AGBL3: variants seen among roughly 807,000 people sequenced by gnomAD.
AGBL3 encodes the protein cytosolic carboxypeptidase 3.
AGBL3 carries 68 observed loss-of-function variants against 94.5 expected under a neutral mutation model. The observed-to-expected ratio is 0.72, with a 90% CI of 0.59 to 0.88. The LOEUF is 0.88. AGBL3 is among the 40% of genes least tolerant of loss of function. The pLI is 0.00. For missense variants in AGBL3, 934 were observed against 1,103.8 expected (o/e 0.85, Z 2.18); for synonymous variants, 354 against 370.7 (o/e 0.95, Z 0.52).
intron 13 of AGBL3, among the ~76,000 whole-genome samples, chr7:135,077,762 G>C (rs1200352426): frequency 6.6e-6 from 1 of 152,044 alleles, no homozygotes; most frequent in Admixed American, 6.6e-5. Flanking sequence ...TCACATACCA[G>C]TTAAACTCGG....
intron 13 of AGBL3, among the ~76,000 whole-genome samples, chr7:135,079,181 T>G (rs1309438083): frequency 6.6e-6 from 1 of 152,178 alleles, no homozygotes; most frequent in African/African-American, 2.4e-5. Context: ...AGATGGGAGC[T>G]AAAAATGACA....
intron 14 of AGBL3, 111 bp from the exon 15 acceptor site, chr7:135,081,608 C>T: frequency 1.7e-6 from 1 of 601,382 alleles, no homozygotes; most frequent in Middle Eastern, 4.9e-4. Flanking sequence ...AACTAAACTA[C>T]TGTCTACAAG....
intron 6 of AGBL3, among the ~76,000 whole-genome samples, chr7:135,033,834 T>C (rs1478386685): frequency 6.6e-6 from 1 of 152,204 alleles, no homozygotes; most frequent in Non-Finnish European, 1.5e-5. Context: ...GGTAACTCTT[T>C]AATCATTTCT....
At chr7:135,038,194 C>T (rs1225895161) in intron 8 of AGBL3, among the ~76,000 whole-genome samples, 3 of 152,046 alleles carry the variant, frequency 2.0e-5, no homozygotes, top group African/African-American at 7.2e-5. Flanking sequence ...CCTTTAAGTT[C>T]TCAACCAACA....
chr7:135,107,108 T>C (rs1824842122), intron 15 of AGBL3, among the ~76,000 whole-genome samples: 1 of 152,068 alleles, frequency 6.6e-6, no homozygotes, highest in Non-Finnish European at 1.5e-5. Context: ...CTTTTCTTCT[T>C]TATTAGTCTA....
chr7:135,084,815 A>G (rs1223835295), intron 15 of AGBL3, among the ~76,000 whole-genome samples: 1 of 152,082 alleles, frequency 6.6e-6, no homozygotes, highest in Non-Finnish European at 1.5e-5. Flanking sequence ...GAGAGTGCAG[A>G]TATCTCTTTG....
chr7:135,110,791 A>G (rs190312384), intron 15 of AGBL3, among the ~76,000 whole-genome samples: 30 of 152,258 alleles, frequency 2.0e-4, no homozygotes, highest in African/African-American at 6.3e-4. Context: ...CCTCCCAACC[A>G]CTTTCTTAAC....
chr7:135,080,612 T>C (rs777126281), intron 14 of AGBL3, among the ~76,000 whole-genome samples: 3 of 152,144 alleles, frequency 2.0e-5, no homozygotes, highest in Non-Finnish European at 2.9e-5. Context: ...TTAAAACCCA[T>C]CTTTTCCCTC....
intron 12 of AGBL3, among the ~76,000 whole-genome samples, chr7:135,061,285 A>T (rs1818817483): frequency 6.6e-6 from 1 of 151,912 alleles, no homozygotes; most frequent in East Asian, 1.9e-4. Flanking sequence ...TTGGATATTA[A>T]CCCCTTATCA....
chr7:134,990,319 T>C lies in AGBL3; in HGVS notation c.124+1009T>C, dbSNP rs1165509222. Among the ~76,000 whole-genome samples, 4 of 152,196 alleles carry C rather than the reference T, an allele frequency of 2.6e-5. No individual in the cohort carries two copies. In the East Asian group the frequency reaches 7.7e-4, roughly 29 times the overall value. ...GTGATTTGCGTTCCCTCCCCTATAT[T>C]TGGCTTTTCTAGAATTTCACAAAAC... is the stretch of plus-strand genomic sequence containing the variant. On this transcript the variant is annotated intron_variant, in intron 3 of 16. Coordinates refer to ENST00000436302, the MANE Select transcript of AGBL3 (RefSeq NM_178563.4).
chr7:135,098,479 T>C (rs748151231), intron 15 of AGBL3, among the ~76,000 whole-genome samples: 4 of 152,198 alleles, frequency 2.6e-5, no homozygotes, highest in Non-Finnish European at 5.9e-5. Context: ...TTTTCCTAAA[T>C]ATTTTCCATC....
At position 134,989,311 on chromosome 7, in the gene AGBL3, G is replaced by A. The variant is rs953613329; in HGVS notation, c.124+1G>A. 4.5e-6 allele frequency: 7 copies of A among 1,540,776 alleles called. No individual in the cohort carries two copies. Among genetic ancestry groups the A allele is most frequent in the Non-Finnish European group, 6.1e-6 (7 of 1,142,350 alleles). The stretch of plus-strand genomic sequence containing the variant: ...CTTCATCGGTGTGCACTTTTAACAG[G>A]TTTGAACCTATTCATATAGTTTTTG... On this transcript the variant is annotated splice_donor_variant, in intron 3 of 16. Coordinates refer to ENST00000436302, the MANE Select transcript of AGBL3 (RefSeq NM_178563.4). LOFTEE classifies it high-confidence loss of function.
chr7:135,115,917 G>A (rs4333534), intron 16 of AGBL3: 230,840 of 238,156 alleles, frequency 0.97, 112,263 homozygotes, highest in East Asian at 1. Flanking sequence ...GCTGTTTTAA[G>A]CCTTATAATC....
At position 135,045,578 on chromosome 7, in the gene AGBL3, A is replaced by G; in HGVS notation, c.1728+4A>G. On this transcript the variant is annotated splice_donor_region_variant and intron_variant, in intron 10 of 16. Coordinates refer to ENST00000436302, the MANE Select transcript of AGBL3 (RefSeq NM_178563.4). Reference sequence around the variant, plus strand: ...TTGTGATCCCGACCGGACCAAGGTAAGCAAAGTCCATTTGGTAATGCATCA... The same window carrying G: ...TTGTGATCCCGACCGGACCAAGGTAGGCAAAGTCCATTTGGTAATGCATCA... The G allele has an allele frequency of 6.5e-7, 1 of 1,548,946 alleles. No individual in the cohort carries two copies. Among genetic ancestry groups the G allele is most frequent in the Non-Finnish European group, 8.7e-7 (1 of 1,144,682 alleles).
chr7:135,128,507 A>G, intron 16 of AGBL3: 1 of 759,286 alleles, frequency 1.3e-6, no homozygotes, highest in Admixed American at 1.7e-5. Context: ...TACGATGGAG[A>G]TGAATTTAGA....
At chr7:135,093,659 T>A (rs1822202779) in intron 15 of AGBL3, 1 of 152,196 alleles carries the variant, frequency 6.6e-6, no homozygotes. Context: ...TCAGAAGATT[T>A]AATATTGCTA....
intron 4 of AGBL3, among the ~76,000 whole-genome samples, chr7:135,000,848 C>T (rs966439711): frequency 6.6e-6 from 1 of 152,202 alleles, no homozygotes; most frequent in African/African-American, 2.4e-5. Flanking sequence ...GCCCCAATCT[C>T]TGGCCCATAC....
Position 135,067,463 on chromosome 7 carries a change from G to A in AGBL3, c.1908+8228G>A, listed in dbSNP as rs539668570. Among the ~76,000 whole-genome samples, 27 of 152,328 alleles carry A rather than the reference G, an allele frequency of 1.8e-4. No homozygotes were observed. The Middle Eastern group carries it at 0.014, about 77-fold the overall frequency. On this transcript the variant is annotated intron_variant, in intron 12 of 16. Coordinates refer to ENST00000436302, the MANE Select transcript of AGBL3 (RefSeq NM_178563.4). ...CTCCTCAAGTGGGTCCCTGACCCCC[G>A]AGTAGCCTAATTGGGAGGCACCCCC...
chr7:134,988,934 G>A (rs967532092), intron 2 of AGBL3, among the ~76,000 whole-genome samples: 7 of 152,046 alleles, frequency 4.6e-5, no homozygotes, highest in South Asian at 2.1e-4. Context: ...CGCCACGCCC[G>A]GCCAATTTTA....
Sources: allele counts gnomAD v4.1 joint callset (sites outside exome capture counted in the v4.1 genomes callset), GRCh38; gene constraint gnomAD v4.1.1; transcripts MANE v1.5; gene names NCBI Gene and HGNC (gene_info 2026-07-23, HGNC 2026-07-21).